ACTN4: variants seen among roughly 807,000 people sequenced by gnomAD.
The protein encoded by ACTN4 is alpha-actinin-4.
A neutral mutation model predicts 114.2 loss-of-function variants in ACTN4; 18 were observed. The ratio of observed to expected loss-of-function variants is 0.16; its 90% CI spans 0.11 to 0.23. The LOEUF is 0.23. Among genes scored for constraint, ACTN4 ranks in the 10% least tolerant of loss-of-function variants. The pLI is 1.00. For missense variants in ACTN4, 722 were observed against 1,262.9 expected (o/e 0.57, Z 6.49); for synonymous variants, 515 against 506.3 (o/e 1.02, Z -0.23).
intron 1 of ACTN4, among the ~76,000 whole-genome samples, chr19:38,690,719 G>A (rs1408545885): frequency 5.9e-5 from 9 of 152,216 alleles, no homozygotes; most frequent in East Asian, 1.9e-4. Flanking sequence ...GATTACAGGC[G>A]TGAGCCACCT....
intron 1 of ACTN4, among the ~76,000 whole-genome samples, chr19:38,652,591 T>C (rs115840800): frequency 0.014 from 2,123 of 152,246 alleles, 56 homozygotes; most frequent in African/African-American, 0.047. Context: ...GCTACTTTGG[T>C]GGCAGGGAGC....
At chr19:38,705,606 C>T (rs1300049608) in intron 4 of ACTN4, among the ~76,000 whole-genome samples, 1 of 152,208 alleles carries the variant, frequency 6.6e-6, no homozygotes, top group Non-Finnish European at 1.5e-5. Flanking sequence ...GAGCTATCCA[C>T]GGGGAACAGA....
chr19:38,729,214 G>A, intron 20 of ACTN4, 60 bp downstream of exon 20: 1 of 1,612,724 alleles, frequency 6.2e-7, no homozygotes, highest in Non-Finnish European at 8.5e-7. Context: ...GCAGTGGGAG[G>A]GGCTGAGGGG....
chr19:38,708,462 C>T (rs1178738107), intron 6 of ACTN4, among the ~76,000 whole-genome samples: 1 of 152,196 alleles, frequency 6.6e-6, no homozygotes, highest in Non-Finnish European at 1.5e-5. Context: ...CCTGGCCAGC[C>T]ATGCTTTATA....
Position 38,705,133 on chromosome 19 carries a change from A to G in ACTN4, c.484+113A>G, listed in dbSNP as rs1968414353. The G allele has an allele frequency of 5.8e-6, 6 of 1,042,514 alleles. No homozygotes were observed. The South Asian group carries it at 7.9e-5, about 14-fold the overall frequency. 64.6% of individuals were successfully genotyped at this position (1,042,514 alleles called of 1,614,324 possible). The stretch of plus-strand genomic sequence containing the variant: ...TCTTCCTGTTTCCTTGGGGTCACTC[A>G]CAGGGCCTGGCCCTTGCAGGGGTAG... On this transcript the variant is annotated intron_variant, in intron 4 of 20. Transcript: ENST00000252699.
At chr19:38,659,295 G>A (rs1043908275) in intron 1 of ACTN4, among the ~76,000 whole-genome samples, 4 of 151,746 alleles carry the variant, frequency 2.6e-5, no homozygotes, top group African/African-American at 9.7e-5. Flanking sequence ...CCTTGACCTC[G>A]TAATGCCCAC....
At chr19:38,687,220 C>T (rs1164730915) in intron 1 of ACTN4, among the ~76,000 whole-genome samples, 1 of 150,470 alleles carries the variant, frequency 6.6e-6, no homozygotes, top group Non-Finnish European at 1.5e-5. Context: ...GATCCACCTG[C>T]CTCAGCCCCC....
At position 38,731,090 on chromosome 19, in the gene ACTN4, G is replaced by A. The variant is rs201216690; in HGVS notation, c.*1658G>A. 5.5e-4 allele frequency: 872 copies of A among 1,573,950 alleles called. 6 individuals carry two copies. The East Asian group carries it at 0.01, about 18-fold the overall frequency. On this transcript the variant is annotated 3_prime_UTR_variant, in exon 21 of 21. Coordinates refer to ENST00000252699, the MANE Select transcript of ACTN4 (RefSeq NM_004924.6). ...ACCCCTTCCCCCCATGCCCCACCAT[G>A]CCGGGGTGGTACTCACAGAAGATGC...
rs140381330 is a variant in ACTN4 at position 38,701,093 on chromosome 19, C to T, written c.369C>T (p.Gly123=). 20,400 of 1,614,090 alleles carry T rather than the reference C, an allele frequency of 0.013. 158 individuals carry two copies. The highest frequency in any genetic ancestry group is 0.015 in the Non-Finnish European group (18,250 of 1,180,032). ...NKALDFIASK[G]VKLVSIGAEE... is the part of the protein sequence containing the mutation. ...CGCTGGACTTTATTGCCAGCAAAGG[C>T]GTCAAGCTGGTCTCCATCGGGGCAG... is the stretch of plus-strand genomic sequence containing the variant. Residue 123 remains glycine, a synonymous_variant, in exon 3 of 21, where the codon GGC becomes GGT. Transcript: ENST00000252699.
chr19:38,669,103 C>A (rs1368077089), intron 1 of ACTN4, among the ~76,000 whole-genome samples: 5 of 152,218 alleles, frequency 3.3e-5, no homozygotes, highest in Non-Finnish European at 5.9e-5. Context: ...TCTCCTACCT[C>A]AGCCTCCCAA....
At chr19:38,677,166 G>T (rs1409471332) in intron 1 of ACTN4, among the ~76,000 whole-genome samples, 1 of 151,906 alleles carries the variant, frequency 6.6e-6, no homozygotes. Context: ...CGTCGCACCT[G>T]ACACCTCCAG....
chr19:38,656,798 G>A (rs1976725267), intron 1 of ACTN4, among the ~76,000 whole-genome samples: 1 of 152,142 alleles, frequency 6.6e-6, no homozygotes, highest in African/African-American at 2.4e-5. Flanking sequence ...AAAGGTGTGG[G>A]GCTGAGTGAT....
intron 1 of ACTN4, among the ~76,000 whole-genome samples, chr19:38,683,389 C>A (rs967153747): frequency 6.6e-6 from 1 of 152,168 alleles, no homozygotes. Flanking sequence ...GCTCTCTAAC[C>A]CAGACAGGAC....
chr19:38,702,016 G>T (rs576360317), intron 3 of ACTN4, among the ~76,000 whole-genome samples: 3 of 152,360 alleles, frequency 2.0e-5, no homozygotes, highest in Admixed American at 1.3e-4. Context: ...GCATGCCACA[G>T]TCGAGGTGGT....
intron 1 of ACTN4, among the ~76,000 whole-genome samples, chr19:38,649,782 A>T (rs1976504622): frequency 6.6e-6 from 1 of 152,030 alleles, no homozygotes; most frequent in Non-Finnish European, 1.5e-5. Flanking sequence ...TGGAGGGGAA[A>T]GGGTGGGAAG....
At chr19:38,722,800 C>T (rs1052562555) in intron 12 of ACTN4, among the ~76,000 whole-genome samples, 5 of 152,216 alleles carry the variant, frequency 3.3e-5, no homozygotes, top group Admixed American at 2.6e-4. Context: ...TAGGCTTGCC[C>T]CCTTCTCAGG....
At chr19:38,653,690 C>T (rs1976632959) in intron 1 of ACTN4, among the ~76,000 whole-genome samples, 1 of 152,114 alleles carries the variant, frequency 6.6e-6, no homozygotes, top group African/African-American at 2.4e-5. Flanking sequence ...CTTCCTTTGC[C>T]TTCATTTATG....
intron 9 of ACTN4, 113 bp from the exon 10 acceptor site, chr19:38,716,973 C>T (rs1297904116): frequency 4.9e-6 from 6 of 1,222,966 alleles, no homozygotes; most frequent in Non-Finnish European, 7.0e-6. Context: ...GGGGTAACCC[C>T]CTAAGGTGGG....
intron 1 of ACTN4, among the ~76,000 whole-genome samples, chr19:38,679,201 T>G (rs1967470282): frequency 6.6e-6 from 1 of 152,214 alleles, no homozygotes; most frequent in African/African-American, 2.4e-5. Flanking sequence ...GATTCCATTT[T>G]CTTATTTCCC....
Sources: allele counts gnomAD v4.1 joint callset (sites outside exome capture counted in the v4.1 genomes callset), GRCh38; gene constraint gnomAD v4.1.1; transcripts MANE v1.5; gene names NCBI Gene and HGNC (gene_info 2026-07-23, HGNC 2026-07-21).